The following RGPD2 variants were observed in gnomAD, a reference collection of about 807,000 sequenced individuals.
The protein encoded by RGPD2 is RANBP2 like and GRIP domain containing 2, also known as RANBP2-like and GRIP domain-containing protein 2.
In RGPD2, 2 loss-of-function variants were observed where a neutral mutation model predicts 36.0. The ratio of observed to expected loss-of-function variants is 0.06; its 90% CI spans 0.02 to 0.17. The LOEUF (loss-of-function observed/expected upper bound fraction) is 0.17. Among genes scored for constraint, RGPD2 ranks in the 10% least tolerant of loss-of-function variants. The pLI is 1.00. For synonymous variants in RGPD2, 19 were observed against 163.8 expected (o/e 0.12, Z 6.75); for missense variants, 40 against 464.3 (o/e 0.09, Z 8.40).
the RGPD2 span, among the ~76,000 whole-genome samples, chr2:87,902,220 A>C: frequency 6.6e-6 from 1 of 152,114 alleles, no homozygotes; most frequent in Non-Finnish European, 1.5e-5. Context: ...ACCTACATTA[A>C]ATAAAACAAA....
At chr2:87,971,634 T>C in the RGPD2 span, among the ~76,000 whole-genome samples, 1 of 148,820 alleles carries the variant, frequency 6.7e-6, no homozygotes, top group Non-Finnish European at 1.5e-5. Flanking sequence ...GATCGATTTT[T>C]ATGTAGTTTT....
chr2:87,915,815 T>G, the RGPD2 span, among the ~76,000 whole-genome samples: 15 of 151,168 alleles, frequency 9.9e-5, no homozygotes, highest in South Asian at 3.1e-3. Flanking sequence ...ATAATGCTTG[T>G]TTTCAGTAAA....
the RGPD2 span, among the ~76,000 whole-genome samples, chr2:87,875,564 G>A: frequency 2.6e-5 from 4 of 152,096 alleles, no homozygotes; most frequent in Admixed American, 2.6e-4. Context: ...GAAGCCAACT[G>A]GATCACGATG....
At chr2:87,855,270 T>C in the RGPD2 span, among the ~76,000 whole-genome samples, 16 of 152,266 alleles carry the variant, frequency 1.1e-4, no homozygotes, top group African/African-American at 3.9e-4. Context: ...TTGAATTGTA[T>C]GGTAGCGCTA....
the RGPD2 span, among the ~76,000 whole-genome samples, chr2:87,915,284 A>T: frequency 7.2e-6 from 1 of 138,666 alleles, no homozygotes; most frequent in Non-Finnish European, 1.5e-5. Context: ...GTATATATAT[A>T]TATATGTATA....
intron 6 of RGPD2, among the ~76,000 whole-genome samples, chr2:87,807,393 T>G (rs1460613356): frequency 7.6e-6 from 1 of 132,004 alleles, no homozygotes; most frequent in Non-Finnish European, 1.6e-5. Context: ...TTTTTTTTTT[T>G]TTTTTTTTTT....
the RGPD2 span, among the ~76,000 whole-genome samples, chr2:87,961,978 G>C: frequency 2.2e-5 from 3 of 136,820 alleles, no homozygotes; most frequent in Non-Finnish European, 3.1e-5. Context: ...AATGAACTGT[G>C]ATAGCGCCAC....
At chr2:87,988,541 A>ATATATATATATATATTTT in the RGPD2 span, among the ~76,000 whole-genome samples, 2 of 54,150 alleles carry the variant, frequency 3.7e-5, no homozygotes, top group African/African-American at 4.4e-5. Flanking sequence ...ATATATATAT[A>ATATATATATATATATTTT]TTTTTTTTTT....
At chr2:87,842,357 CAA>C in the RGPD2 span, among the ~76,000 whole-genome samples, 1 of 149,210 alleles carries the variant, frequency 6.7e-6, no homozygotes, top group Non-Finnish European at 1.5e-5. Flanking sequence ...GCAACTTCAG[CAA>C]AGTCTCAGGA....
chr2:87,805,877 A>G lies in RGPD2; in HGVS notation c.975+819T>C, dbSNP rs1187127099. ...TCCGTCTCAAAAAAAAAAAAAGGCC[A>G]GGCACGCCAGGCACAGTGCCTCGGG... On this transcript the variant is annotated intron_variant, in intron 7 of 22. Coordinates refer to ENST00000398146, the MANE Select transcript of RGPD2 (RefSeq NM_001078170.3). Among the ~76,000 whole-genome samples the G allele has an allele frequency of 2.2e-4, 32 of 142,356 alleles. No individual in the cohort carries two copies. In the South Asian group the frequency reaches 6.9e-3, roughly 31 times the overall value. 93.4% of individuals were successfully genotyped at this position (142,356 alleles called of 152,430 possible).
At chr2:87,965,574 CTT>C in the RGPD2 span, among the ~76,000 whole-genome samples, 1 of 152,366 alleles carries the variant, frequency 6.6e-6, no homozygotes, top group East Asian at 1.9e-4. Flanking sequence ...AGTAATTCCT[CTT>C]TTGTTTTTAA....
chr2:87,937,016 A>G, the RGPD2 span, among the ~76,000 whole-genome samples: 1 of 151,260 alleles, frequency 6.6e-6, no homozygotes, highest in African/African-American at 2.4e-5. Flanking sequence ...GAAGATAAAA[A>G]CACGAGCAAA....
At chr2:87,857,774 T>TAAAAAAAAAAA in the RGPD2 span, among the ~76,000 whole-genome samples, 11 of 123,458 alleles carry the variant, frequency 8.9e-5, no homozygotes, top group African/African-American at 3.0e-4. Context: ...CCATCTCTAC[T>TAAAAAAAAAAA]AAAAAAAAAA....
the RGPD2 span, among the ~76,000 whole-genome samples, chr2:87,917,716 T>C: frequency 1.8e-5 from 1 of 56,208 alleles, no homozygotes; most frequent in Non-Finnish European, 3.1e-5. Context: ...CTTGAGGAAA[T>C]GAAAAAATGT....
chr2:87,885,350 C>T, the RGPD2 span, among the ~76,000 whole-genome samples: 200 of 152,144 alleles, frequency 1.3e-3, no homozygotes, highest in Middle Eastern at 6.8e-3. Context: ...AAGGACTATT[C>T]CTCAACATAA....
chr2:87,847,240 A>G, the RGPD2 span, among the ~76,000 whole-genome samples: 3 of 152,172 alleles, frequency 2.0e-5, no homozygotes, highest in African/African-American at 7.2e-5. Flanking sequence ...TATTTGGATG[A>G]CATACCATTG....
At chr2:87,910,984 T>A in the RGPD2 span, among the ~76,000 whole-genome samples, 6 of 151,520 alleles carry the variant, frequency 4.0e-5, no homozygotes, top group African/African-American at 1.2e-4. Flanking sequence ...TACCTGTTAA[T>A]AGGAGACAGT....
the RGPD2 span, among the ~76,000 whole-genome samples, chr2:87,976,390 T>C: frequency 6.6e-6 from 1 of 152,182 alleles, no homozygotes; most frequent in African/African-American, 2.4e-5. Flanking sequence ...TAACCCAAGT[T>C]AGAAGATCAG....
the RGPD2 span, among the ~76,000 whole-genome samples, chr2:87,834,888 C>G: frequency 6.7e-6 from 1 of 149,806 alleles, no homozygotes; most frequent in Non-Finnish European, 1.5e-5. Flanking sequence ...GAAAAAGAAG[C>G]CCAACGTTGT....
Sources: gnomAD v4.1 joint callset for allele counts (sites outside exome capture counted in the v4.1 genomes callset) on GRCh38, gnomAD v4.1.1 for gene constraint, MANE v1.5 for transcripts, NCBI Gene and HGNC (gene_info 2026-07-23, HGNC 2026-07-21) for gene names.